The following USH2A variants were observed in gnomAD, a reference collection of about 807,000 sequenced individuals.
USH2A encodes the protein usherin.
In USH2A, 443 loss-of-function variants were observed where a neutral mutation model predicts 538.9. The ratio of observed to expected loss-of-function variants is 0.82; its 90% CI spans 0.76 to 0.89. The LOEUF (loss-of-function observed/expected upper bound fraction) is 0.89, where lower values mean the gene tolerates loss of function less well. USH2A is among the 40% of genes least tolerant of loss of function. The pLI is 0.00. For synonymous variants in USH2A, 2,413 were observed against 2,273.5 expected (o/e 1.06, Z -1.75); for missense variants, 6,633 against 6,324.8 (o/e 1.05, Z -1.65).
chr1:215,792,731 C>T (rs937677727), intron 50 of USH2A, among the ~76,000 whole-genome samples: 47 of 152,230 alleles, frequency 3.1e-4, no homozygotes, highest in African/African-American at 1.1e-3. Flanking sequence ...TCTTCCGAAA[C>T]TGCATTGCAA....
At chr1:216,385,772 C>T (rs140196308) in intron 3 of USH2A, among the ~76,000 whole-genome samples, 42 of 152,276 alleles carry the variant, frequency 2.8e-4, no homozygotes, top group African/African-American at 5.8e-4. Flanking sequence ...CATCTTACTA[C>T]GCTCTTGCAT....
chr1:216,023,459 C>CAAAAAAAAAAAAACAAAAAAAAAAAA (rs1668886977), intron 32 of USH2A, among the ~76,000 whole-genome samples: 1 of 46,956 alleles, frequency 2.1e-5, no homozygotes, highest in Non-Finnish European at 3.8e-5. Flanking sequence ...TCAAAGCAGA[C>CAAAAAAAAAAAAACAAAAAAAAAAAA]AAAAAAAAAA....
chr1:215,791,519 A>T (rs927372750), intron 50 of USH2A, among the ~76,000 whole-genome samples: 1 of 152,222 alleles, frequency 6.6e-6, no homozygotes, highest in Admixed American at 6.5e-5. Flanking sequence ...GAACCCTCTC[A>T]TTCATCTTTT....
At chr1:216,037,200 T>C (rs1030106051) in intron 32 of USH2A, among the ~76,000 whole-genome samples, 1 of 152,134 alleles carries the variant, frequency 6.6e-6, no homozygotes, top group Non-Finnish European at 1.5e-5. Flanking sequence ...CTAATGATTT[T>C]CCGTGAAAAC....
At chr1:216,082,724 C>T (rs1400320005) in intron 26 of USH2A, among the ~76,000 whole-genome samples, 1 of 152,006 alleles carries the variant, frequency 6.6e-6, no homozygotes, top group Non-Finnish European at 1.5e-5. Context: ...ATGTTTATAG[C>T]AGTCTTATTC....
intron 11 of USH2A, among the ~76,000 whole-genome samples, chr1:216,267,220 G>C (rs116258031): frequency 0.014 from 2,145 of 152,212 alleles, 20 homozygotes; most frequent in Non-Finnish European, 0.023. Context: ...GTGATCAACT[G>C]TGTCAAATCC....
intron 35 of USH2A, among the ~76,000 whole-genome samples, chr1:215,971,121 T>C (rs964554966): frequency 6.6e-6 from 1 of 152,168 alleles, no homozygotes; most frequent in East Asian, 1.9e-4. Flanking sequence ...TAAAAGAAGA[T>C]ATTCTTAATA....
chr1:216,088,137 G>A (rs1270886904), intron 23 of USH2A, among the ~76,000 whole-genome samples: 1 of 152,052 alleles, frequency 6.6e-6, no homozygotes, highest in Non-Finnish European at 1.5e-5. Flanking sequence ...CCTGATACTT[G>A]CTGTCCTCGC....
At chr1:216,411,960 T>C (rs1426660581) in intron 3 of USH2A, among the ~76,000 whole-genome samples, 1 of 152,176 alleles carries the variant, frequency 6.6e-6, no homozygotes, top group Non-Finnish European at 1.5e-5. Context: ...ACCAAATCAT[T>C]CTTCATGTGA....
chr1:215,812,434 C>A (rs540638843), intron 49 of USH2A, among the ~76,000 whole-genome samples: 2 of 152,248 alleles, frequency 1.3e-5, no homozygotes, highest in Non-Finnish European at 2.9e-5. Flanking sequence ...CAAGATGAAC[C>A]CATCAGGTGA....
At chr1:216,082,353 A>T (rs2031977333) in intron 26 of USH2A, among the ~76,000 whole-genome samples, 1 of 123,666 alleles carries the variant, frequency 8.1e-6, no homozygotes, top group Admixed American at 8.1e-5. Context: ...AACAATACAC[A>T]AGAGGACAAA....
At chr1:216,098,598 C>T (rs957294419) in intron 21 of USH2A, among the ~76,000 whole-genome samples, 3 of 152,126 alleles carry the variant, frequency 2.0e-5, no homozygotes, top group Non-Finnish European at 4.4e-5. Flanking sequence ...GGCAGGAAAG[C>T]AGATATCATT....
chr1:216,346,743 A>T (rs2038182466), intron 4 of USH2A, among the ~76,000 whole-genome samples: 1 of 151,456 alleles, frequency 6.6e-6, no homozygotes. Flanking sequence ...GTGCCTGCTT[A>T]TTAGGCTTTA....
At chr1:216,294,094 T>TA (rs1055791626) in intron 9 of USH2A, among the ~76,000 whole-genome samples, 4 of 152,186 alleles carry the variant, frequency 2.6e-5, no homozygotes, top group African/African-American at 7.2e-5. Flanking sequence ...CTGGAACAAA[T>TA]AAAAAAACCT....
intron 22 of USH2A, among the ~76,000 whole-genome samples, chr1:216,092,670 G>A (rs2032330179): frequency 6.6e-6 from 1 of 152,232 alleles, no homozygotes; most frequent in South Asian, 2.1e-4. Flanking sequence ...CTGTTTTAGA[G>A]TATAAATTCA....
intron 38 of USH2A, among the ~76,000 whole-genome samples, chr1:215,904,043 G>A (rs1665571159): frequency 6.6e-6 from 1 of 152,062 alleles, no homozygotes; most frequent in East Asian, 1.9e-4. Flanking sequence ...AGAAAAAAGA[G>A]CACTGTGAAA....
intron 64 of USH2A, among the ~76,000 whole-genome samples, chr1:215,665,473 G>T (rs1265952394): frequency 2.6e-5 from 4 of 152,224 alleles, no homozygotes; most frequent in African/African-American, 4.8e-5. Context: ...GTGAAAGGGG[G>T]GGTGGTGGCG....
At chr1:215,673,444 A>T (rs1345231071) in intron 63 of USH2A, among the ~76,000 whole-genome samples, 2 of 152,166 alleles carry the variant, frequency 1.3e-5, no homozygotes, top group African/African-American at 4.8e-5. Context: ...GTGATGGGGA[A>T]AACTGCCAAA....
At chr1:216,351,061 T>C (rs1472247402) in intron 4 of USH2A, among the ~76,000 whole-genome samples, 2 of 152,074 alleles carry the variant, frequency 1.3e-5, no homozygotes, top group Non-Finnish European at 2.9e-5. Context: ...CATCGATTCA[T>C]TTACTTGGAA....
Sources: gnomAD v4.1 joint callset for allele counts (sites outside exome capture counted in the v4.1 genomes callset) on GRCh38, gnomAD v4.1.1 for gene constraint, MANE v1.5 for transcripts, NCBI Gene and HGNC (gene_info 2026-07-23, HGNC 2026-07-21) for gene names.